LSAMP: variants seen among roughly 807,000 people sequenced by gnomAD.
The protein encoded by LSAMP is limbic system associated membrane protein.
Under a neutral mutation model 38.6 loss-of-function variants are expected in LSAMP, and 7 were observed. The observed-to-expected ratio is 0.18, with a 90% confidence interval of 0.10 to 0.34. LSAMP has a LOEUF of 0.34. LSAMP is among the 10% of genes least tolerant of loss of function. The pLI is 1.00. For synonymous variants in LSAMP, 154 were observed against 166.8 expected, an observed-to-expected ratio of 0.92 and a Z score of 0.59; for missense variants, 313 against 420.0, an observed-to-expected ratio of 0.75 and a Z score of 2.23.
intron 1 of LSAMP, among the ~76,000 whole-genome samples, chr3:116,102,500 G>T (rs1028314839): frequency 6.6e-6 from 1 of 152,158 alleles, no homozygotes; most frequent in Non-Finnish European, 1.5e-5. Context: ...CATTTGAATT[G>T]GTAGACTGAG....
chr3:115,821,346 AAAG>A (rs1446753629), intron 6 of LSAMP, among the ~76,000 whole-genome samples: 1 of 152,218 alleles, frequency 6.6e-6, no homozygotes, highest in East Asian at 1.9e-4. Flanking sequence ...TTCATAAGGA[AAAG>A]AATTGACGTT....
At chr3:116,420,595 G>A (rs1048680112) in intron 1 of LSAMP, among the ~76,000 whole-genome samples, 9 of 152,106 alleles carry the variant, frequency 5.9e-5, no homozygotes, top group Admixed American at 2.6e-4. Context: ...GGCCGGGCGC[G>A]GTGGCTCCAG....
At chr3:115,811,078 C>T (rs879320631) in intron 6 of LSAMP, among the ~76,000 whole-genome samples, 3 of 152,142 alleles carry the variant, frequency 2.0e-5, no homozygotes, top group Non-Finnish European at 4.4e-5. Context: ...AAAACAAAGA[C>T]GATAACAACA....
intron 1 of LSAMP, among the ~76,000 whole-genome samples, chr3:116,444,393 A>ACC (rs1491264417): frequency 0.043 from 4 of 92 alleles, no homozygotes; most frequent in Non-Finnish European, 0.095. Context: ...GGCATGAAAA[A>ACC]CACACACACA....
chr3:115,959,706 T>G (rs1413688740), intron 3 of LSAMP, among the ~76,000 whole-genome samples: 1 of 152,174 alleles, frequency 6.6e-6, no homozygotes, highest in East Asian at 1.9e-4. Context: ...CTAAATGAAG[T>G]AATATATGGA....
chr3:116,079,631 CAAAAAAAAA>C (rs34038261), intron 2 of LSAMP, among the ~76,000 whole-genome samples: 1 of 86,130 alleles, frequency 1.2e-5, no homozygotes, highest in Non-Finnish European at 2.3e-5. Flanking sequence ...GACTCTGTCT[CAAAAAAAAA>C]AAAAAAAAAA....
intron 2 of LSAMP, 119 bp downstream of exon 2, chr3:116,086,205 G>T (rs1707985041): frequency 3.6e-6 from 3 of 839,128 alleles, no homozygotes; most frequent in Admixed American, 2.3e-5. Context: ...CGATACTTAA[G>T]TCCAATAATA....
At position 116,113,405 on chromosome 3, in the gene LSAMP, TATATATATA is replaced by T. The variant is rs1230976707; in HGVS notation, c.156-26858_156-26850del. On this transcript the variant is annotated intron_variant, in intron 1 of 6. Transcript: ENST00000490035. Reference sequence around the variant, plus strand: ...ATTTTAGAAATATGTTTGCCCTATATATATATATATATATATTTTTTTTTTTTTTTTTTT... The same window carrying T: ...ATTTTAGAAATATGTTTGCCCTATATTATATATTTTTTTTTTTTTTTTTTT... 5.8e-3 allele frequency among the ~76,000 whole-genome samples: 373 copies of T among 64,148 alleles called. 5 individuals carry two copies. The highest frequency in any genetic ancestry group is 8.6e-3 in the Non-Finnish European group (295 of 34,406). 42.1% of individuals were successfully genotyped at this position (64,148 alleles called of 152,430 possible).
At chr3:115,815,178 A>G (rs535994449) in intron 6 of LSAMP, among the ~76,000 whole-genome samples, 21 of 152,208 alleles carry the variant, frequency 1.4e-4, no homozygotes, top group African/African-American at 4.6e-4. Flanking sequence ...CATTCACATA[A>G]CTTTTATTAC....
chr3:116,304,892 G>C (rs1465795883), intron 1 of LSAMP, among the ~76,000 whole-genome samples: 1 of 152,052 alleles, frequency 6.6e-6, no homozygotes, highest in Non-Finnish European at 1.5e-5. Context: ...AAGGAGAAGA[G>C]TTACTTTTGT....
At chr3:116,227,026 C>T (rs4831124) in intron 1 of LSAMP, among the ~76,000 whole-genome samples, 94,102 of 151,820 alleles carry the variant, frequency 0.62, 29,625 homozygotes, top group East Asian at 0.78. Context: ...TTTTTTTTTC[C>T]TGAAAGTGGC....
Position 115,842,575 on chromosome 3 carries a change from G to A in LSAMP, c.653C>T (p.Pro218Leu). 1.2e-6 allele frequency: 2 copies of A among 1,613,106 alleles called. No homozygotes were observed. Among genetic ancestry groups the A allele is most frequent in the South Asian group, 1.1e-5 (1 of 91,030 alleles). ...GCTCTTGGATTCTGTGATAGTGGGA[G>A]GATCTGTAGGAAGGACAGGCACACA... is the stretch of plus-strand genomic sequence containing the variant. ...VKQVKVTVNY[P>L]PTITESKSNE... Residue 218 changes from proline to leucine, a missense_variant, in exon 5 of 7, where the codon CCT (proline) becomes CTT (leucine). Physicochemically the swap from Pro to Leu is moderately conservative, Grantham distance 98. Coordinates refer to ENST00000490035, the MANE Select transcript of LSAMP (RefSeq NM_002338.5).
intron 3 of LSAMP, among the ~76,000 whole-genome samples, chr3:116,004,510 G>A (rs896402303): frequency 6.1e-5 from 8 of 130,254 alleles, no homozygotes; most frequent in Admixed American, 1.6e-4. Flanking sequence ...ATGTGTGTGT[G>A]TATATATATG....
At chr3:116,220,185 A>AACACACACACACACACACACACAC (rs3974285) in intron 1 of LSAMP, among the ~76,000 whole-genome samples, 89 of 141,458 alleles carry the variant, frequency 6.3e-4, no homozygotes, top group African/African-American at 2.1e-3. Flanking sequence ...TCCATCTCAA[A>AACACACACACACACACACACACAC]ACACACACAC....
chr3:116,107,381 T>C (rs1708491920), intron 1 of LSAMP, among the ~76,000 whole-genome samples: 1 of 152,122 alleles, frequency 6.6e-6, no homozygotes. Context: ...CCTCTAAAAG[T>C]ATTAAAGCAG....
At chr3:116,270,117 T>G (rs1274499755) in intron 1 of LSAMP, among the ~76,000 whole-genome samples, 1 of 152,168 alleles carries the variant, frequency 6.6e-6, no homozygotes, top group Non-Finnish European at 1.5e-5. Flanking sequence ...TTTCTTTGGT[T>G]TTATTTTGTG....
rs147376197 is a variant in LSAMP at position 116,331,912 on chromosome 3, T to G, written c.155+112965A>C. Among the ~76,000 whole-genome samples the G allele has an allele frequency of 9.2e-5, 14 of 152,250 alleles. No individual in the cohort carries two copies. The East Asian group carries it at 2.7e-3, about 29-fold the overall frequency. On this transcript the variant is annotated intron_variant, in intron 1 of 6. Coordinates refer to ENST00000490035, the MANE Select transcript of LSAMP (RefSeq NM_002338.5). Reference sequence around the variant, plus strand: ...TAGAGTGTAGTGGTGCAGTTGTATCTCACTCACCTTGAAGATCTGGGCTCA... The same window carrying G: ...TAGAGTGTAGTGGTGCAGTTGTATCGCACTCACCTTGAAGATCTGGGCTCA...
intron 3 of LSAMP, among the ~76,000 whole-genome samples, chr3:115,857,830 A>G (rs1192071483): frequency 6.6e-6 from 1 of 152,220 alleles, no homozygotes; most frequent in Non-Finnish European, 1.5e-5. Flanking sequence ...TAAGTCAGAA[A>G]GAAGGGCCTA....
intron 1 of LSAMP, among the ~76,000 whole-genome samples, chr3:116,273,606 G>A (rs970281165): frequency 8.3e-5 from 12 of 144,980 alleles, no homozygotes; most frequent in Non-Finnish European, 1.2e-4. Context: ...TTGAATTCAC[G>A]TAACCCACGG....
Sources: gnomAD v4.1 joint callset for allele counts (sites outside exome capture counted in the v4.1 genomes callset) on GRCh38, gnomAD v4.1.1 for gene constraint, MANE v1.5 for transcripts, NCBI Gene and HGNC (gene_info 2026-07-23, HGNC 2026-07-21) for gene names.